Variants in DPYD observed in about 807,000 individuals in gnomAD.
DPYD encodes the protein dihydropyrimidine dehydrogenase.
In DPYD, 109 loss-of-function variants were observed where a neutral mutation model predicts 116.2. The observed-to-expected ratio is 0.94, with a 90% CI of 0.80 to 1.10. DPYD has a LOEUF of 1.10. DPYD is among the 50% of genes least tolerant of loss of function. The pLI, the probability that DPYD is intolerant of heterozygous loss-of-function variation, is 0.00. For missense variants in DPYD, 1,302 were observed against 1,254.5 expected, an observed-to-expected ratio of 1.04 and a Z score of -0.57; for synonymous variants, 440 against 432.0, an observed-to-expected ratio of 1.02 and a Z score of -0.23.
chr1:97,131,695 C>T lies in DPYD; in HGVS notation c.2623-33063G>A, dbSNP rs147749505. Among the ~76,000 whole-genome samples the T allele has an allele frequency of 8.0e-4, 121 of 152,184 alleles. No individual in the cohort carries two copies. The East Asian group carries it at 0.019, about 24-fold the overall frequency. On this transcript the variant is annotated intron_variant, in intron 20 of 22. Transcript: ENST00000370192. ...TGACCTGATCACATATGACTCAATA[C>T]AGAGGTGAAATCAAGGTGCTCCTAC...
intron 13 of DPYD, among the ~76,000 whole-genome samples, chr1:97,486,677 T>C (rs1321502011): frequency 1.3e-5 from 2 of 152,156 alleles, no homozygotes; most frequent in Admixed American, 6.5e-5. Flanking sequence ...TTTATACAAA[T>C]TTATGATTAA....
intron 11 of DPYD, among the ~76,000 whole-genome samples, chr1:97,572,074 T>A (rs1441099986): frequency 6.6e-6 from 1 of 151,924 alleles, no homozygotes; most frequent in African/African-American, 2.4e-5. Flanking sequence ...CAGTTTATTA[T>A]TTCAAACCAG....
At chr1:97,360,866 C>T (rs55998556) in intron 16 of DPYD, among the ~76,000 whole-genome samples, 8,239 of 151,936 alleles carry the variant, frequency 0.054, 315 homozygotes, top group East Asian at 0.17. Context: ...AGATCCAAAA[C>T]TGACACCCTA....
intron 19 of DPYD, among the ~76,000 whole-genome samples, chr1:97,231,550 T>G (rs962642095): frequency 1.3e-5 from 2 of 152,084 alleles, no homozygotes; most frequent in African/African-American, 4.8e-5. Context: ...TGAGACTTAC[T>G]CACTGTCAGG....
At chr1:97,413,539 C>T (rs551526536) in intron 14 of DPYD, among the ~76,000 whole-genome samples, 2 of 152,278 alleles carry the variant, frequency 1.3e-5, no homozygotes, top group African/African-American at 4.8e-5. Flanking sequence ...TCTCGGCTCA[C>T]TGCAACTTCT....
In DPYD at chr1:97,449,791, A is replaced by G. The variant is rs546178425; in HGVS notation, c.1905+268T>C. ...CAGTGAAAACCAACTCAATAAAATG[A>G]GTATTTCATTTCTCTTCCTTCTGCT... is the stretch of plus-strand genomic sequence containing the variant. On this transcript the variant is annotated intron_variant, in intron 14 of 22. Coordinates refer to ENST00000370192, the MANE Select transcript of DPYD (RefSeq NM_000110.4). Among the ~76,000 whole-genome samples the G allele has an allele frequency of 7.2e-5, 11 of 152,300 alleles. 2 individuals are homozygous for G. In the South Asian group the frequency reaches 2.3e-3, roughly 32 times the overall value.
chr1:97,838,724 A>C (rs1669896005), intron 2 of DPYD, among the ~76,000 whole-genome samples: 1 of 152,152 alleles, frequency 6.6e-6, no homozygotes, highest in Non-Finnish European at 1.5e-5. Flanking sequence ...GGGCGCCTGT[A>C]GTCCCAGGTA....
At chr1:97,536,824 T>C (rs1650037810) in intron 12 of DPYD, among the ~76,000 whole-genome samples, 1 of 152,174 alleles carries the variant, frequency 6.6e-6, no homozygotes, top group African/African-American at 2.4e-5. Flanking sequence ...ATTTGGAAAC[T>C]TTCCTGTGAA....
chr1:97,411,272 C>G (rs1673977590), intron 14 of DPYD, among the ~76,000 whole-genome samples: 1 of 152,148 alleles, frequency 6.6e-6, no homozygotes, highest in African/African-American at 2.4e-5. Flanking sequence ...AATAATGAAG[C>G]TCAGTGTAAA....
intron 8 of DPYD, among the ~76,000 whole-genome samples, chr1:97,603,978 C>A (rs775653693): frequency 7.9e-5 from 12 of 152,180 alleles, no homozygotes; most frequent in Middle Eastern, 3.4e-3. Context: ...AGCTAAGAAT[C>A]GTTCTGAATT....
chr1:97,636,178 AT>A (rs371480913), intron 8 of DPYD, among the ~76,000 whole-genome samples: 107 of 152,226 alleles, frequency 7.0e-4, no homozygotes, highest in African/African-American at 2.5e-3. Context: ...ACTTAGCATC[AT>A]TTTTGGCTTC....
At chr1:97,430,790 C>A (rs1675133481) in intron 14 of DPYD, among the ~76,000 whole-genome samples, 1 of 152,094 alleles carries the variant, frequency 6.6e-6, no homozygotes, top group Non-Finnish European at 1.5e-5. Flanking sequence ...TATGATTATC[C>A]TTCCCCAACA....
chr1:97,609,830 A>C (rs977589155), intron 8 of DPYD, among the ~76,000 whole-genome samples: 1 of 151,996 alleles, frequency 6.6e-6, no homozygotes, highest in African/African-American at 2.4e-5. Flanking sequence ...GAAAGAAAAA[A>C]ATATGCTTTA....
intron 20 of DPYD, among the ~76,000 whole-genome samples, chr1:97,105,054 T>G (rs1651033018): frequency 6.6e-6 from 1 of 152,092 alleles, no homozygotes; most frequent in Admixed American, 6.6e-5. Context: ...GGAACTCAGA[T>G]AAGAACATTA....
chr1:97,255,194 G>A (rs540184881), intron 18 of DPYD, among the ~76,000 whole-genome samples: 2 of 152,130 alleles, frequency 1.3e-5, no homozygotes, highest in African/African-American at 4.8e-5. Flanking sequence ...AGTCTTCAGG[G>A]AGCAAAGCTT....
At chr1:97,295,784 T>C (rs928658758) in intron 18 of DPYD, 8 of 982,930 alleles carry the variant, frequency 8.1e-6, no homozygotes, top group African/African-American at 5.2e-5. Flanking sequence ...GTTAAGTTTA[T>C]ATTAAAAGGA....
At chr1:97,852,727 G>C (rs1670634511) in intron 2 of DPYD, among the ~76,000 whole-genome samples, 1 of 152,030 alleles carries the variant, frequency 6.6e-6, no homozygotes, top group African/African-American at 2.4e-5. Context: ...CTTCTTCAAG[G>C]ATGATGATTT....
chr1:97,512,969 C>T (rs558947659), intron 13 of DPYD, among the ~76,000 whole-genome samples: 220 of 151,570 alleles, frequency 1.5e-3, no homozygotes, highest in Admixed American at 2.3e-3. Context: ...AACACAAAAG[C>T]AAACAGATCT....
intron 14 of DPYD, among the ~76,000 whole-genome samples, chr1:97,393,589 C>T (rs1255764063): frequency 6.6e-6 from 1 of 152,010 alleles, no homozygotes; most frequent in African/African-American, 2.4e-5. Context: ...TGATGGTTTC[C>T]AGCTTCATCC....
Sources: allele counts gnomAD v4.1 joint callset (sites outside exome capture counted in the v4.1 genomes callset), GRCh38; gene constraint gnomAD v4.1.1; transcripts MANE v1.5; gene names NCBI Gene and HGNC (gene_info 2026-07-23, HGNC 2026-07-21).